Variants in FZR1 observed in about 807,000 individuals in gnomAD.
The protein encoded by FZR1 is fizzy-related protein homolog.
In FZR1, 11 loss-of-function variants were observed where a neutral mutation model predicts 63.6. The observed-to-expected ratio is 0.17, with a 90% CI of 0.11 to 0.29. The LOEUF is 0.29. Ranked by LOEUF, FZR1 falls within the 10% of genes least tolerant of loss-of-function variation. The pLI is 1.00. For missense variants in FZR1, 440 were observed against 687.5 expected (o/e 0.64, Z 4.03); for synonymous variants, 328 against 297.9 (o/e 1.10, Z -1.04).
rs1159637898 is a variant in FZR1 at position 3,516,804 on chromosome 19, C to T, written c.-34-6152C>T. Reference sequence around the variant, plus strand: ...TGTGTGGCCAGTAGACTGACAGCTGCTGCCCACCTGGCAACGTTTGGGCCA... The same window carrying T: ...TGTGTGGCCAGTAGACTGACAGCTGTTGCCCACCTGGCAACGTTTGGGCCA... On this transcript the variant is annotated intron_variant, in intron 1 of 13. Coordinates refer to ENST00000441788, the MANE Select transcript of FZR1 (RefSeq NM_016263.4). This position sits in a 1 kb window ranked among gnomAD's most constrained non-coding sequence, Gnocchi z 6.0. Among the ~76,000 whole-genome samples the T allele has an allele frequency of 6.6e-6, 1 of 152,244 alleles. No individual in the cohort carries two copies. The highest frequency in any genetic ancestry group is 1.5e-5 in the Non-Finnish European group (1 of 68,038).
At chr19:3,518,809 A>AGCAG (rs2083077666) in intron 1 of FZR1, among the ~76,000 whole-genome samples, 1 of 152,182 alleles carries the variant, frequency 6.6e-6, no homozygotes, top group African/African-American at 2.4e-5. Flanking sequence ...GGCTGCAGTG[A>AGCAG]ACCATGATCA....
At position 3,515,595 on chromosome 19, in the gene FZR1, C is replaced by T. The variant is rs868467715; in HGVS notation, c.-34-7361C>T. On this transcript the variant is annotated intron_variant, in intron 1 of 13. Transcript: ENST00000441788. This position sits in a 1 kb window ranked among gnomAD's most constrained non-coding sequence, Gnocchi z 4.6. Reference sequence around the variant, plus strand: ...CATCCTGGCTAATACTGTGAAACCCCGTCTCTACTAAAAATACAAAAAATT... The same window carrying T: ...CATCCTGGCTAATACTGTGAAACCCTGTCTCTACTAAAAATACAAAAAATT... Among the ~76,000 whole-genome samples, 2 of 151,934 alleles carry T rather than the reference C, an allele frequency of 1.3e-5. No homozygotes were observed. Among genetic ancestry groups the T allele is most frequent in the African/African-American group, 2.4e-5 (1 of 41,348 alleles).
At chr19:3,512,635 C>T (rs2083031732) in intron 1 of FZR1, among the ~76,000 whole-genome samples, 1 of 152,156 alleles carries the variant, frequency 6.6e-6, no homozygotes, top group Non-Finnish European at 1.5e-5. Context: ...CCTGGAGCTG[C>T]AGGGCTGAGG....
chr19:3,522,720 G>A lies in FZR1; in HGVS notation c.-34-236G>A, dbSNP rs74469718. 1.8e-3 allele frequency among the ~76,000 whole-genome samples: 275 copies of A among 152,254 alleles called. 1 individual carries two copies. In the South Asian group the frequency reaches 0.019, roughly 10 times the overall value. On this transcript the variant is annotated intron_variant, in intron 1 of 13. Transcript: ENST00000441788. Reference sequence around the variant, plus strand: ...CTCCAGGGCAGAAAGCCCCTTTCCCGGGCAGGAGGACAGGGTGTGGATATA... The same window carrying A: ...CTCCAGGGCAGAAAGCCCCTTTCCCAGGCAGGAGGACAGGGTGTGGATATA...
In FZR1 at chr19:3,535,120, CTG is replaced by C. The variant is rs2029891749; in HGVS notation, c.*286_*287del. 1 of 507,728 alleles carries C rather than the reference CTG, an allele frequency of 2.0e-6. No homozygotes were observed. The highest frequency in any genetic ancestry group is 2.1e-5 in the South Asian group (1 of 47,116). The allele number at this position is 507,728 out of a possible 1,614,324, so 31.5% of individuals were successfully genotyped here. ...ATTGGACGGTCCCGGCTCAGACCGT[CTG>C]TACTCAGAGCGACGGATGCCCCCTG... On this transcript the variant is annotated 3_prime_UTR_variant, in exon 14 of 14. Coordinates refer to ENST00000441788, the MANE Select transcript of FZR1 (RefSeq NM_016263.4).
At position 3,523,014 on chromosome 19, in the gene FZR1, C is replaced by T. The variant is rs2083117661; in HGVS notation, c.25C>T (p.Leu9=). 1.9e-6 allele frequency: 3 copies of T among 1,612,016 alleles called. No homozygotes were observed. The East Asian group carries it at 6.7e-5, about 36-fold the overall frequency. MDQDYERR[L]LRQIVIQNEN... is the part of the protein sequence containing the mutation. The stretch of plus-strand genomic sequence containing the variant: ...CATGGACCAGGACTATGAGCGGCGC[C>T]TGCTTCGCCAGATCGTCATCCAGAA... Residue 9 remains leucine, a synonymous_variant, in exon 2 of 14, where the codon CTG becomes TTG. Coordinates refer to ENST00000441788, the MANE Select transcript of FZR1 (RefSeq NM_016263.4).
rs1439182824 is a variant in FZR1 at position 3,526,456 on chromosome 19, G to A, written c.387+70G>A. On this transcript the variant is annotated intron_variant, in intron 5 of 13. Coordinates refer to ENST00000441788, the MANE Select transcript of FZR1 (RefSeq NM_016263.4). This position sits in a 1 kb window ranked among gnomAD's most constrained non-coding sequence, Gnocchi z 5.4. ...GCCTCCCCGGCCCCCCACCTCCCAG[G>A]CACCAGCTCTGCCTCCCCGAGCCCG... The A allele has an allele frequency of 2.2e-5, 28 of 1,280,514 alleles. No individual in the cohort carries two copies. The highest frequency in any genetic ancestry group is 2.8e-5 in the Non-Finnish European group (26 of 924,144). The allele number at this position is 1,280,514 out of a possible 1,614,324, so 79.3% of individuals were successfully genotyped here.
In FZR1 at chr19:3,535,004, G is replaced by A; in HGVS notation, c.*168G>A. 1 of 630,894 alleles carries A rather than the reference G, an allele frequency of 1.6e-6. No homozygotes were observed. Among genetic ancestry groups the A allele is most frequent in the South Asian group, 1.8e-5 (1 of 55,054 alleles). The allele number at this position is 630,894 out of a possible 1,614,324, so 39.1% of individuals were successfully genotyped here. On this transcript the variant is annotated 3_prime_UTR_variant, in exon 14 of 14. Coordinates refer to ENST00000441788, the MANE Select transcript of FZR1 (RefSeq NM_016263.4). ...GGAGTCTCATTAAATGCCTGATTGT[G>A]AACCATGTCCACCAGTATCTGGGGT...
Position 3,534,282 on chromosome 19 carries a change from A to C in FZR1, c.1348-139A>C. On this transcript the variant is annotated intron_variant, in intron 12 of 13. Transcript: ENST00000441788. ...CTTGGTTTCTGCTTGTGGTGGCCCCAGCCTGCCCCTCCCTCCTGGCTCCAG... is the reference window on the plus strand; with the variant it reads ...CTTGGTTTCTGCTTGTGGTGGCCCCCGCCTGCCCCTCCCTCCTGGCTCCAG... 7 of 498,376 alleles carry C rather than the reference A, an allele frequency of 1.4e-5. No individual in the cohort carries two copies. The South Asian group carries it at 1.5e-4, about 11-fold the overall frequency. The allele number at this position is 498,376 out of a possible 1,614,324, so 30.9% of individuals were successfully genotyped here. A position where few individuals can be genotyped will look rare whatever the true frequency, so the allele number is the denominator to read the frequency against.
rs1023571607 is a variant in FZR1 at position 3,525,429 on chromosome 19, T to G, written c.70-439T>G. On this transcript the variant is annotated intron_variant, in intron 2 of 13. Coordinates refer to ENST00000441788, the MANE Select transcript of FZR1 (RefSeq NM_016263.4). This position sits in a 1 kb window ranked among gnomAD's most constrained non-coding sequence, Gnocchi z 4.2. Reference sequence around the variant, plus strand: ...GACTGTGTGGCTCCCCTCCTTGGGTTTTCTTTTTTTTTTTTTTTTTTTTTT... The same window carrying G: ...GACTGTGTGGCTCCCCTCCTTGGGTGTTCTTTTTTTTTTTTTTTTTTTTTT... Among the ~76,000 whole-genome samples, 1 of 132,336 alleles carries G rather than the reference T, an allele frequency of 7.6e-6. No homozygotes were observed. Among genetic ancestry groups the G allele is most frequent in the African/African-American group, 3.5e-5 (1 of 28,920 alleles). 86.8% of individuals were successfully genotyped at this position (132,336 alleles called of 152,430 possible). A position where few individuals can be genotyped will look rare whatever the true frequency, so the allele number is the denominator to read the frequency against.
rs1379496118 is a variant in FZR1 at position 3,525,296 on chromosome 19, C to G, written c.70-572C>G. 6.6e-6 allele frequency among the ~76,000 whole-genome samples: 1 copy of G among 152,152 alleles called. No homozygotes were observed. The highest frequency in any genetic ancestry group is 1.5e-5 in the Non-Finnish European group (1 of 68,026). ...CTCCACCCCGTCCCGTGGCCCTGCCCTCACCACCCTCCTGCCTGGCAGCGT... is the reference window on the plus strand; with the variant it reads ...CTCCACCCCGTCCCGTGGCCCTGCCGTCACCACCCTCCTGCCTGGCAGCGT... On this transcript the variant is annotated intron_variant, in intron 2 of 13. Coordinates refer to ENST00000441788, the MANE Select transcript of FZR1 (RefSeq NM_016263.4). The surrounding 1 kb of genome is among the most constrained non-coding windows in gnomAD (Gnocchi z 4.2).
rs143522724 is a variant in FZR1, at chr19:3,530,374, G to A, written c.655-418G>A. On this transcript the variant is annotated intron_variant, in intron 7 of 13. Transcript: ENST00000441788. ...CAGAAGGGAGAGCGGATGGGAGAGC[G>A]GATGGGTGAGCAGATGGGTGAGCGG... Among the ~76,000 whole-genome samples, 343 of 128,382 alleles carry A rather than the reference G, an allele frequency of 2.7e-3. 2 individuals carry two copies. The highest frequency in any genetic ancestry group is 0.011 in the African/African-American group (325 of 30,712). The allele number at this position is 128,382 out of a possible 152,430, so 84.2% of individuals were successfully genotyped here. A position where few individuals can be genotyped will look rare whatever the true frequency, so the allele number is the denominator to read the frequency against.
At chr19:3,534,722 C>T in intron 13 of FZR1, 73 bp from the exon 14 acceptor site, 1 of 1,410,344 alleles carries the variant, frequency 7.1e-7, no homozygotes, top group Non-Finnish European at 1.0e-6. Context: ...GCCCCAAAGC[C>T]TTGGGGACCC....
chr19:3,519,014 T>C (rs1032044339), intron 1 of FZR1, among the ~76,000 whole-genome samples: 1 of 152,238 alleles, frequency 6.6e-6, no homozygotes, highest in East Asian at 1.9e-4. Flanking sequence ...GCTCTGTTCA[T>C]GTGTGTTGGT....
Position 3,521,751 on chromosome 19 carries a change from C to T in FZR1, c.-34-1205C>T, listed in dbSNP as rs180965098. 4.4e-3 allele frequency among the ~76,000 whole-genome samples: 677 copies of T among 152,316 alleles called. 3 individuals are homozygous for T. The highest frequency in any genetic ancestry group is 6.8e-3 in the Middle Eastern group (2 of 294). On this transcript the variant is annotated intron_variant, in intron 1 of 13. Transcript: ENST00000441788. The stretch of plus-strand genomic sequence containing the variant: ...TCCTGACCTCGTGATCCACCCGCCT[C>T]GGCCTCCCGAACTGTTGGGATTACA...
chr19:3,529,323 AGAGTGGATGAGAGTGGTTGAGG>A (rs1489173163), intron 7 of FZR1, among the ~76,000 whole-genome samples: 1 of 133,658 alleles, frequency 7.5e-6, no homozygotes, highest in African/African-American at 2.9e-5. Flanking sequence ...AGCGGATGGG[AGAGTGGATGAGAGTGGTTGAGG>A]GAGTGGATGG....
chr19:3,534,227 TA>T (rs3040391), intron 12 of FZR1, 193 bp from the exon 13 acceptor site: 84,419 of 282,046 alleles, frequency 0.3, 4,878 homozygotes, highest in East Asian at 0.49. Flanking sequence ...GTCTTAAAAT[TA>T]AAAAAAAAAA....
At chr19:3,512,444 C>G (rs2083030613) in intron 1 of FZR1, among the ~76,000 whole-genome samples, 1 of 152,200 alleles carries the variant, frequency 6.6e-6, no homozygotes, top group African/African-American at 2.4e-5. Flanking sequence ...TGAAGCTGCC[C>G]AAAGCTTCGT....
rs1167033367 is a variant in FZR1 at position 3,526,738 on chromosome 19, G to C, written c.388-242G>C. Among the ~76,000 whole-genome samples, 1 of 150,444 alleles carries C rather than the reference G, an allele frequency of 6.6e-6. No homozygotes were observed. Among genetic ancestry groups the C allele is most frequent in the Non-Finnish European group, 1.5e-5 (1 of 67,462 alleles). On this transcript the variant is annotated intron_variant, in intron 5 of 13. Transcript: ENST00000441788. The surrounding 1 kb of genome is among the most constrained non-coding windows in gnomAD (Gnocchi z 5.4). ...CCACAGGGCCCCACTCTGTCCACAT[G>C]ATCCGGGAGCTCAAAGGCAGGATCA...
Sources: allele counts gnomAD v4.1 joint callset (sites outside exome capture counted in the v4.1 genomes callset), GRCh38; gene constraint gnomAD v4.1.1; non-coding constraint Gnocchi (gnomAD v3.1); transcripts MANE v1.5; gene names NCBI Gene and HGNC (gene_info 2026-07-23, HGNC 2026-07-21).